JAKMIP1: variants seen among roughly 807,000 people sequenced by gnomAD.
The protein encoded by JAKMIP1 is janus kinase and microtubule-interacting protein 1.
A neutral mutation model predicts 113.0 loss-of-function variants in JAKMIP1; 33 were observed. The observed-to-expected ratio is 0.29, with a 90% CI of 0.22 to 0.39. The LOEUF (loss-of-function observed/expected upper bound fraction) is 0.39, where lower values mean the gene tolerates loss of function less well. Ranked by LOEUF, JAKMIP1 falls within the 10% of genes least tolerant of loss-of-function variation. The pLI, the probability that JAKMIP1 is intolerant of heterozygous loss-of-function variation, is 1.00. For synonymous variants in JAKMIP1, 480 were observed against 459.9 expected (o/e 1.04, Z -0.56); for missense variants, 813 against 1,080.5 (o/e 0.75, Z 3.47).
chr4:6,117,216 C>T (rs976137847), intron 1 of JAKMIP1, among the ~76,000 whole-genome samples: 12 of 152,122 alleles, frequency 7.9e-5, no homozygotes, highest in African/African-American at 1.4e-4. Context: ...TATCGGGGGA[C>T]CTGCCCCGAT....
Position 6,193,129 on chromosome 4 carries a change from C to G in JAKMIP1, c.-148+7124G>C, listed in dbSNP as rs1385230516. Among the ~76,000 whole-genome samples the G allele has an allele frequency of 6.6e-6, 1 of 152,168 alleles. No homozygotes were observed. The highest frequency in any genetic ancestry group is 2.4e-5 in the African/African-American group (1 of 41,438). ...TGAGTCTTCTGGCCCCATCTTTCTC[C>G]CATGCTGGATGCTTCCTGCCCTCGG... is the stretch of plus-strand genomic sequence containing the variant. On this transcript the variant is annotated intron_variant, in intron 1 of 20. Transcript: ENST00000409021. This position sits in a 1 kb window ranked among gnomAD's most constrained non-coding sequence, Gnocchi z 6.4.
In JAKMIP1 at chr4:6,194,906, T is replaced by G. The variant is rs1172373222; in HGVS notation, c.-148+5347A>C. On this transcript the variant is annotated intron_variant, in intron 1 of 20. Coordinates refer to ENST00000409021, the MANE Select transcript of JAKMIP1 (RefSeq NM_001099433.2). This position sits in a 1 kb window ranked among gnomAD's most constrained non-coding sequence, Gnocchi z 7.4. ...CCCTGGAAAGGATAAAGGGGCCACC[T>G]CAGACCACACAGAGGGGAACAGGCT... Among the ~76,000 whole-genome samples, 1 of 151,868 alleles carries G rather than the reference T, an allele frequency of 6.6e-6. No individual in the cohort carries two copies. The highest frequency in any genetic ancestry group is 1.9e-4 in the East Asian group (1 of 5,182).
In JAKMIP1 at chr4:6,040,162, G is replaced by A. The variant is rs188368764; in HGVS notation, c.2175+477C>T. Among the ~76,000 whole-genome samples the A allele has an allele frequency of 2.1e-3, 326 of 152,246 alleles. No homozygotes were observed. Among genetic ancestry groups the A allele is most frequent in the African/African-American group, 7.4e-3 (307 of 41,548 alleles). ...CCCACTGTATTTTAATCACCAGGAC[G>A]CCCAGAATCAATTTTGCAACCCAAA... On this transcript the variant is annotated intron_variant, in intron 18 of 20. Coordinates refer to ENST00000409021, the MANE Select transcript of JAKMIP1 (RefSeq NM_001099433.2). This position sits in a 1 kb window ranked among gnomAD's most constrained non-coding sequence, Gnocchi z 5.8.
chr4:6,164,195 G>A (rs1191055450), intron 1 of JAKMIP1, among the ~76,000 whole-genome samples: 1 of 152,224 alleles, frequency 6.6e-6, no homozygotes. Context: ...TCAGAGGACA[G>A]GCTGACTCTC....
rs764389088 is a variant in JAKMIP1, at chr4:6,064,985, A to T, written c.1326T>A (p.Phe442Leu). Residue 442 changes from phenylalanine to leucine, a missense_variant, in exon 9 of 21, where the codon TTT (phenylalanine) becomes TTA (leucine). Physicochemically the swap from Phe to Leu is conservative, Grantham distance 22. Coordinates refer to ENST00000409021, the MANE Select transcript of JAKMIP1 (RefSeq NM_001099433.2). This position sits in a 1 kb window ranked among gnomAD's most constrained non-coding sequence, Gnocchi z 4.3. Reference sequence around the variant, plus strand: ...AGTCCACAGACTCCTCATCAAATCCAAAAAATGTCTCCACAACATGCTTCT... The same window carrying T: ...AGTCCACAGACTCCTCATCAAATCCTAAAAATGTCTCCACAACATGCTTCT... ...PPKKHVVETF[F>L]GFDEESVDSE... The T allele has an allele frequency of 3.7e-6, 6 of 1,613,984 alleles. No homozygotes were observed. Among genetic ancestry groups the T allele is most frequent in the Non-Finnish European group, 5.1e-6 (6 of 1,179,984 alleles).
chr4:6,027,727 A>G (rs545847231), intron 20 of JAKMIP1, among the ~76,000 whole-genome samples: 2 of 152,342 alleles, frequency 1.3e-5, no homozygotes, highest in East Asian at 1.9e-4. Context: ...AAGAGTCGAA[A>G]AAAGAGCCAG....
rs1714151289 is a variant in JAKMIP1 at position 6,040,312 on chromosome 4, C to T, written c.2175+327G>A. On this transcript the variant is annotated intron_variant, in intron 18 of 20. Transcript: ENST00000409021. The surrounding 1 kb of genome is among the most constrained non-coding windows in gnomAD (Gnocchi z 5.8). ...TTTTTCCTATTTATAGGAAAACTTG[C>T]TTTGGGACTTTAAGTCTAAATATTT... Among the ~76,000 whole-genome samples the T allele has an allele frequency of 6.6e-6, 1 of 152,160 alleles. No homozygotes were observed.
rs1438774494 is a variant in JAKMIP1 at position 6,197,781 on chromosome 4, G to A, written c.-148+2472C>T. 6.6e-6 allele frequency among the ~76,000 whole-genome samples: 1 copy of A among 152,266 alleles called. No individual in the cohort carries two copies. Among genetic ancestry groups the A allele is most frequent in the Non-Finnish European group, 1.5e-5 (1 of 68,048 alleles). On this transcript the variant is annotated intron_variant, in intron 1 of 20. Transcript: ENST00000409021. The surrounding 1 kb of genome is among the most constrained non-coding windows in gnomAD (Gnocchi z 6.5). ...GGGAACCCTGGCAGTCTGGCTCAGA[G>A]CCTGAAGAGACACAAGGTCCCACCC... is the stretch of plus-strand genomic sequence containing the variant.
rs1722211552 is a variant in JAKMIP1, at chr4:6,156,143, T to C, written c.-147-43146A>G. On this transcript the variant is annotated intron_variant, in intron 1 of 20. Transcript: ENST00000409021. The surrounding 1 kb of genome is among the most constrained non-coding windows in gnomAD (Gnocchi z 5.0). ...ATACCTGACCCATCTGTGTGTTTCTTGGGAGCAGAGACCGGGAACATCTTC... is the reference window on the plus strand; with the variant it reads ...ATACCTGACCCATCTGTGTGTTTCTCGGGAGCAGAGACCGGGAACATCTTC... Among the ~76,000 whole-genome samples, 1 of 152,228 alleles carries C rather than the reference T, an allele frequency of 6.6e-6. No individual in the cohort carries two copies. Among genetic ancestry groups the C allele is most frequent in the East Asian group, 1.9e-4 (1 of 5,194 alleles).
rs2109014308 is a variant in JAKMIP1, at chr4:6,167,954, A to G, written c.-148+32299T>C. On this transcript the variant is annotated intron_variant, in intron 1 of 20. Coordinates refer to ENST00000409021, the MANE Select transcript of JAKMIP1 (RefSeq NM_001099433.2). This position sits in a 1 kb window ranked among gnomAD's most constrained non-coding sequence, Gnocchi z 5.3. ...TTGTCTCCCAGAGCTGACAGCATGC[A>G]GACAATGAGGAGTCCGCCCATCCTC... 6.6e-6 allele frequency among the ~76,000 whole-genome samples: 1 copy of G among 152,354 alleles called. No homozygotes were observed. The highest frequency in any genetic ancestry group is 1.5e-5 in the Non-Finnish European group (1 of 68,032).
At chr4:6,109,291 C>G (rs1714500513) in intron 2 of JAKMIP1, among the ~76,000 whole-genome samples, 1 of 151,918 alleles carries the variant, frequency 6.6e-6, no homozygotes, top group Admixed American at 6.6e-5. Flanking sequence ...CGCCACTGCG[C>G]CCGGCTAATT....
intron 2 of JAKMIP1, among the ~76,000 whole-genome samples, chr4:6,111,349 T>C (rs1714906712): frequency 6.6e-6 from 1 of 152,184 alleles, no homozygotes; most frequent in African/African-American, 2.4e-5. Context: ...AGCCTGCATC[T>C]CCATGCTCTT....
intron 19 of JAKMIP1, 47 bp downstream of exon 19, chr4:6,035,857 A>C (rs1379852795): frequency 6.7e-7 from 1 of 1,489,368 alleles, no homozygotes; most frequent in African/African-American, 1.4e-5. Flanking sequence ...CACACAGGAC[A>C]ACAAGGGTGC....
chr4:6,080,079 G>A lies in JAKMIP1; in HGVS notation c.1242+93C>T, dbSNP rs1352747366. The A allele has an allele frequency of 1.0e-5, 14 of 1,401,576 alleles. No homozygotes were observed. The highest frequency in any genetic ancestry group is 1.3e-5 in the Non-Finnish European group (14 of 1,039,494). 86.8% of individuals were successfully genotyped at this position (1,401,576 alleles called of 1,614,324 possible). On this transcript the variant is annotated intron_variant, in intron 7 of 20. Transcript: ENST00000409021. This position sits in a 1 kb window ranked among gnomAD's most constrained non-coding sequence, Gnocchi z 6.0. ...TGCCTGACCCTGACCCAGCTCAGCAGCATCACCCTGAGCCCCAACACCCGT... is the reference window on the plus strand; with the variant it reads ...TGCCTGACCCTGACCCAGCTCAGCAACATCACCCTGAGCCCCAACACCCGT...
chr4:6,134,637 A>G (rs983041844), intron 1 of JAKMIP1, among the ~76,000 whole-genome samples: 5 of 151,838 alleles, frequency 3.3e-5, no homozygotes, highest in Admixed American at 6.6e-5. Flanking sequence ...CCGCCACCAG[A>G]CTCGGTGCCC....
intron 1 of JAKMIP1, among the ~76,000 whole-genome samples, chr4:6,149,570 A>C (rs1398068218): frequency 2.0e-5 from 3 of 152,248 alleles, no homozygotes; most frequent in Non-Finnish European, 2.9e-5. Flanking sequence ...TCAAGATAGA[A>C]AGGATGTCCA....
Position 6,193,876 on chromosome 4 carries a change from C to T in JAKMIP1, c.-148+6377G>A, listed in dbSNP as rs148975842. Reference sequence around the variant, plus strand: ...CCTGAGCACTGCTTCCAACACCAGCCGCAAAGGTGAGAACGACCCCAATGT... The same window carrying T: ...CCTGAGCACTGCTTCCAACACCAGCTGCAAAGGTGAGAACGACCCCAATGT... On this transcript the variant is annotated intron_variant, in intron 1 of 20. Transcript: ENST00000409021. This position sits in a 1 kb window ranked among gnomAD's most constrained non-coding sequence, Gnocchi z 6.4. 2.0e-5 allele frequency among the ~76,000 whole-genome samples: 3 copies of T among 152,234 alleles called. No individual in the cohort carries two copies. The highest frequency in any genetic ancestry group is 1.9e-4 in the East Asian group (1 of 5,178).
intron 1 of JAKMIP1, among the ~76,000 whole-genome samples, chr4:6,182,448 G>C (rs1404965439): frequency 6.8e-6 from 1 of 147,022 alleles, no homozygotes; most frequent in Non-Finnish European, 1.5e-5. Flanking sequence ...AGAAAGAAAA[G>C]AAAAGAAAAA....
chr4:6,117,401 C>G (rs901346704), intron 1 of JAKMIP1, among the ~76,000 whole-genome samples: 1 of 151,912 alleles, frequency 6.6e-6, no homozygotes, highest in Non-Finnish European at 1.5e-5. Context: ...TAGGGAGTTT[C>G]AAAAAGGGGA....
Sources: gnomAD v4.1 joint callset for allele counts (sites outside exome capture counted in the v4.1 genomes callset) on GRCh38, gnomAD v4.1.1 for gene constraint, Gnocchi (gnomAD v3.1) non-coding constraint, MANE v1.5 for transcripts, NCBI Gene and HGNC (gene_info 2026-07-23, HGNC 2026-07-21) for gene names.